The following ERICH3 variants were observed in gnomAD, a reference collection of about 807,000 sequenced individuals.
ERICH3 encodes glutamate-rich protein 3.
A neutral mutation model predicts 131.1 loss-of-function variants in ERICH3; 126 were observed. The ratio of observed to expected loss-of-function variants is 0.96; its 90% CI spans 0.83 to 1.11. The LOEUF is 1.11. ERICH3 is among the 50% of genes most tolerant of loss of function. The pLI, the probability that ERICH3 is intolerant of heterozygous loss-of-function variation, is 0.00. For synonymous variants in ERICH3, 695 were observed against 644.6 expected (o/e 1.08, Z -1.18); for missense variants, 2,050 against 1,810.7 (o/e 1.13, Z -2.40).
intron 5 of ERICH3, among the ~76,000 whole-genome samples, chr1:74,637,823 T>A (rs1210365432): frequency 2.6e-5 from 4 of 151,474 alleles, no homozygotes; most frequent in Non-Finnish European, 5.9e-5. Context: ...AGGTGGGAGG[T>A]CACCTGAGCC....
Position 74,642,964 on chromosome 1 carries a change from A to G in ERICH3, c.315+63T>C, listed in dbSNP as rs141849106. On this transcript the variant is annotated intron_variant, in intron 4 of 14. Transcript: ENST00000326665. ...CCCAGGGAACTGGAATCATAGTTTC[A>G]CTGTTTTTTTTAAAATCATAAAATA... 9.1e-3 allele frequency: 11,316 copies of G among 1,249,984 alleles called. 79 individuals are homozygous for G. Among genetic ancestry groups the G allele is most frequent in the Non-Finnish European group, 0.012 (10,073 of 874,046 alleles). 77.4% of individuals were successfully genotyped at this position (1,249,984 alleles called of 1,614,324 possible). A position where few individuals can be genotyped will look rare whatever the true frequency, so the allele number is the denominator to read the frequency against.
intron 1 of ERICH3, 148 bp from the exon 2 acceptor site, chr1:74,649,463 A>AGG (rs1646513525): frequency 5.4e-6 from 3 of 554,054 alleles, no homozygotes; most frequent in Admixed American, 6.4e-5. Context: ...ACATGTATTG[A>AGG]GTCCCTATTC....
intron 11 of ERICH3, among the ~76,000 whole-genome samples, chr1:74,592,654 T>C (rs1647662278): frequency 6.6e-6 from 1 of 152,184 alleles, no homozygotes; most frequent in Admixed American, 6.6e-5. Context: ...AGGGCTGAAA[T>C]ATACTCTGGT....
At chr1:74,579,504 T>G in intron 12 of ERICH3, 7 of 985,374 alleles carry the variant, frequency 7.1e-6, no homozygotes, top group Non-Finnish European at 8.4e-6. Flanking sequence ...CCTTCGGAAG[T>G]AGATGAGAGC....
At chr1:74,649,187 A>G in intron 2 of ERICH3, 35 bp downstream of exon 2, 1 of 1,451,356 alleles carries the variant, frequency 6.9e-7, no homozygotes, top group Non-Finnish European at 9.5e-7. Flanking sequence ...ACTTAATGAA[A>G]CAAGAAGGTC....
chr1:74,587,560 G>T (rs1409366547), intron 12 of ERICH3, among the ~76,000 whole-genome samples: 1 of 151,964 alleles, frequency 6.6e-6, no homozygotes, highest in Non-Finnish European at 1.5e-5. Flanking sequence ...CATGATCATA[G>T]TGCTACATCT....
intron 1 of ERICH3, among the ~76,000 whole-genome samples, chr1:74,666,425 A>G (rs964504171): frequency 6.6e-6 from 1 of 152,134 alleles, no homozygotes; most frequent in African/African-American, 2.4e-5. Flanking sequence ...AAAATTTTTA[A>G]TCCTAATACT....
intron 10 of ERICH3, among the ~76,000 whole-genome samples, chr1:74,602,374 T>C (rs1200575276): frequency 1.3e-5 from 2 of 151,988 alleles, no homozygotes; most frequent in Non-Finnish European, 2.9e-5. Context: ...TTGATACGAA[T>C]AAGCCAGCGA....
At chr1:74,653,839 C>A (rs1646559504) in intron 1 of ERICH3, among the ~76,000 whole-genome samples, 1 of 152,102 alleles carries the variant, frequency 6.6e-6, no homozygotes, top group South Asian at 2.1e-4. Context: ...CCCACACTGT[C>A]TACATTACCT....
intron 1 of ERICH3, among the ~76,000 whole-genome samples, chr1:74,668,657 G>A (rs1467643212): frequency 6.6e-6 from 1 of 152,108 alleles, no homozygotes; most frequent in African/African-American, 2.4e-5. Flanking sequence ...GAACATGTTT[G>A]TTAAAGGAGT....
At chr1:74,627,748 T>C (rs1415869503) in intron 7 of ERICH3, among the ~76,000 whole-genome samples, 1 of 152,050 alleles carries the variant, frequency 6.6e-6, no homozygotes, top group Non-Finnish European at 1.5e-5. Flanking sequence ...TGTTGGAAAA[T>C]TCTTTGGAGA....
chr1:74,650,885 T>A (rs947449998), intron 1 of ERICH3, among the ~76,000 whole-genome samples: 1 of 146,942 alleles, frequency 6.8e-6, no homozygotes, highest in Non-Finnish European at 1.5e-5. Context: ...TATATACACA[T>A]AGAAAGAGAG....
At chr1:74,669,935 A>C (rs1015284120) in intron 1 of ERICH3, among the ~76,000 whole-genome samples, 3 of 152,206 alleles carry the variant, frequency 2.0e-5, no homozygotes, top group African/African-American at 7.2e-5. Context: ...AAAATGTAAC[A>C]AGTACAAACT....
chr1:74,587,805 A>C (rs1242848903), intron 12 of ERICH3, among the ~76,000 whole-genome samples: 2 of 152,228 alleles, frequency 1.3e-5, no homozygotes, highest in African/African-American at 4.8e-5. Context: ...TTTCATAATG[A>C]AATTCAAGAT....
At chr1:74,612,929 T>C in intron 8 of ERICH3, 120 bp from the exon 9 acceptor site, 1 of 817,936 alleles carries the variant, frequency 1.2e-6, no homozygotes, top group Non-Finnish European at 1.8e-6. Flanking sequence ...TGTCCAATCT[T>C]TTGGCTTCCC....
chr1:74,599,668 T>C (rs1429373483), intron 11 of ERICH3, 27 bp downstream of exon 11: 4 of 1,537,844 alleles, frequency 2.6e-6, no homozygotes, highest in Non-Finnish European at 3.5e-6. Flanking sequence ...AAACAGCCTA[T>C]GTTACATGAT....
intron 3 of ERICH3, among the ~76,000 whole-genome samples, chr1:74,645,310 T>C (rs1160116988): frequency 1.3e-5 from 2 of 152,218 alleles, no homozygotes; most frequent in African/African-American, 4.8e-5. Flanking sequence ...TGAATGTGAA[T>C]ACAGCAGTAT....
intron 11 of ERICH3, among the ~76,000 whole-genome samples, chr1:74,596,096 G>A (rs1460544392): frequency 6.6e-6 from 1 of 152,010 alleles, no homozygotes; most frequent in Non-Finnish European, 1.5e-5. Flanking sequence ...AATCAATTAA[G>A]TAGAATATTA....
At position 74,573,486 on chromosome 1, in the gene ERICH3, T is replaced by C; in HGVS notation, c.2224A>G (p.Thr742Ala). The C allele has an allele frequency of 6.6e-7, 1 of 1,511,060 alleles. No individual in the cohort carries two copies. Among genetic ancestry groups the C allele is most frequent in the Non-Finnish European group, 8.8e-7 (1 of 1,134,048 alleles). The allele number at this position is 1,511,060 out of a possible 1,614,324, so 93.6% of individuals were successfully genotyped here. ...GTTTCATCCACCATGAAATTCATTG[T>C]TGGTGCTATAAAAATAAGGTTAGAA... is the stretch of plus-strand genomic sequence containing the variant. Reference protein sequence around the residue: ...LAYVLALGAPTMNFMVDETAA... With the variant: ...LAYVLALGAPAMNFMVDETAA... The change falls in exon 14 of 15, where the codon ACA becomes GCA. Residue 742 changes from threonine (T) to alanine (A), a missense_variant. Coordinates refer to ENST00000326665, the MANE Select transcript of ERICH3 (RefSeq NM_001002912.5).
Sources: allele counts gnomAD v4.1 joint callset (sites outside exome capture counted in the v4.1 genomes callset), GRCh38; gene constraint gnomAD v4.1.1; transcripts MANE v1.5; gene names NCBI Gene and HGNC (gene_info 2026-07-23, HGNC 2026-07-21).